Variants in KLC1 observed in about 807,000 individuals in gnomAD.
KLC1 encodes kinesin light chain 1.
Under a neutral mutation model 84.2 loss-of-function variants are expected in KLC1, and 30 were observed. The ratio of observed to expected loss-of-function variants is 0.36; its 90% CI spans 0.27 to 0.48. The LOEUF is 0.48. KLC1 is among the 20% of genes least tolerant of loss of function. KLC1 has a pLI of 0.99. For missense variants in KLC1, 499 were observed against 805.4 expected (o/e 0.62, Z 4.60); for synonymous variants, 289 against 293.3 (o/e 0.99, Z 0.15).
intron 3 of KLC1, among the ~76,000 whole-genome samples, chr14:103,659,879 T>C (rs2079137885): frequency 6.6e-6 from 1 of 152,158 alleles, no homozygotes; most frequent in Non-Finnish European, 1.5e-5. Context: ...GAGGGCCTTC[T>C]TTCTGGCTTG....
At position 103,694,937 on chromosome 14, in the gene KLC1, TGTA is replaced by T; in HGVS notation, c.1848+2515_1848+2517del. ...GTTTGTTTCCACAAGACAAGCTCCG[TGTA>T]GTCGCCAGCGGGTGCCTGGCCCAGG... is the stretch of plus-strand genomic sequence containing the variant. On this transcript the variant is annotated intron_variant, in intron 15 of 16. Transcript: ENST00000334553. The surrounding 1 kb of genome is among the most constrained non-coding windows in gnomAD (Gnocchi z 4.5). The T allele has an allele frequency of 5.1e-6, 5 of 985,456 alleles. No individual in the cohort carries two copies. The highest frequency in any genetic ancestry group is 6.0e-6 in the Non-Finnish European group (5 of 829,938). 61.0% of individuals were successfully genotyped at this position (985,456 alleles called of 1,614,324 possible).
At chr14:103,654,882 T>G (rs982013576) in intron 2 of KLC1, 57 bp downstream of exon 2, 16 of 1,541,874 alleles carry the variant, frequency 1.0e-5, no homozygotes, top group East Asian at 2.2e-5. Flanking sequence ...AAATGGAGAC[T>G]TGTTTGAAAT....
chr14:103,678,199 G>T (rs2081073243), intron 12 of KLC1, among the ~76,000 whole-genome samples: 1 of 152,180 alleles, frequency 6.6e-6, no homozygotes, highest in African/African-American at 2.4e-5. Context: ...GGAGGCAGAG[G>T]TTGCAGTGAG....
At chr14:103,635,803 T>C (rs1233087930) in intron 1 of KLC1, among the ~76,000 whole-genome samples, 1 of 151,724 alleles carries the variant, frequency 6.6e-6, no homozygotes, top group East Asian at 1.9e-4. Context: ...GATTCTACTG[T>C]TGAGGAATTT....
chr14:103,644,352 C>T (rs551833209), intron 1 of KLC1, among the ~76,000 whole-genome samples: 7 of 151,500 alleles, frequency 4.6e-5, no homozygotes, highest in African/African-American at 1.2e-4. Context: ...CTCCGCCTCC[C>T]GAGTTCAAGC....
intron 1 of KLC1, among the ~76,000 whole-genome samples, chr14:103,630,150 G>A (rs1323214377): frequency 6.6e-6 from 1 of 152,218 alleles, no homozygotes; most frequent in African/African-American, 2.4e-5. Flanking sequence ...TGTTCACCTA[G>A]GCTGGCGTTG....
chr14:103,656,016 C>T (rs148602707), intron 2 of KLC1, among the ~76,000 whole-genome samples: 21 of 152,334 alleles, frequency 1.4e-4, no homozygotes, highest in African/African-American at 4.6e-4. Context: ...ACACAGTCAT[C>T]GGGGATACTC....
intron 9 of KLC1, 47 bp downstream of exon 9, chr14:103,673,478 TTGAC>T: frequency 8.2e-7 from 1 of 1,217,276 alleles, no homozygotes; most frequent in Non-Finnish European, 1.2e-6. Context: ...GTATAATGAC[TTGAC>T]TAATAGTAAT....
In KLC1 at chr14:103,654,621, T is replaced by C. The variant is rs751465019; in HGVS notation, c.57T>C (p.Leu19=). 1.2e-6 allele frequency: 2 copies of C among 1,614,084 alleles called. No homozygotes were observed. Among genetic ancestry groups the C allele is most frequent in the Non-Finnish European group, 1.7e-6 (2 of 1,179,934 alleles). ...TAAAGGAAGACAAGTTGGAGAAGCTTACACAGGATGAAATTATTTCTAAGA... is the reference window on the plus strand; with the variant it reads ...TAAAGGAAGACAAGTTGGAGAAGCTCACACAGGATGAAATTATTTCTAAGA... The part of the protein sequence containing the change: ...VYIKEDKLEK[L]TQDEIISKTK... The change falls in exon 2 of 17, where the codon CTT becomes CTC. Residue 19 remains leucine (L), a synonymous_variant. Coordinates refer to ENST00000334553, the MANE Select transcript of KLC1 (RefSeq NM_001394837.1).
intron 14 of KLC1, among the ~76,000 whole-genome samples, chr14:103,688,880 A>G (rs2081938705): frequency 6.6e-6 from 1 of 152,248 alleles, no homozygotes; most frequent in African/African-American, 2.4e-5. Flanking sequence ...CAATGAAACA[A>G]ATGAACTCTT....
At chr14:103,686,114 G>A (rs1430580823) in intron 13 of KLC1, 3 of 992,114 alleles carry the variant, frequency 3.0e-6, no homozygotes, top group African/African-American at 3.5e-5. Context: ...AGCATTTGCT[G>A]TGTAGTCTGT....
intron 9 of KLC1, among the ~76,000 whole-genome samples, 181 bp from the exon 10 acceptor site, chr14:103,675,371 G>A (rs551909336): frequency 6.6e-6 from 1 of 152,132 alleles, no homozygotes; most frequent in Non-Finnish European, 1.5e-5. Flanking sequence ...AGTTTACTTA[G>A]CAGGCTCTGT....
At chr14:103,699,340 G>A (rs1203684256) in intron 15 of KLC1, 6 of 1,579,676 alleles carry the variant, frequency 3.8e-6, no homozygotes, top group Non-Finnish European at 5.2e-6. Context: ...GAGCTCAGGG[G>A]TGCAACCCTG....
At chr14:103,684,961 C>T (rs752226358) in intron 13 of KLC1, 3 of 869,022 alleles carry the variant, frequency 3.5e-6, no homozygotes, top group Non-Finnish European at 3.8e-6. Flanking sequence ...GTGTTGGTAA[C>T]AAGTGTTATT....
intron 1 of KLC1, among the ~76,000 whole-genome samples, chr14:103,636,910 T>G (rs1489859965): frequency 6.6e-6 from 1 of 151,566 alleles, no homozygotes; most frequent in East Asian, 2.0e-4. Context: ...TGTTGTATTT[T>G]TATTAGATAT....
chr14:103,651,012 T>C (rs2078391371), intron 1 of KLC1, among the ~76,000 whole-genome samples: 1 of 151,724 alleles, frequency 6.6e-6, no homozygotes, highest in African/African-American at 2.4e-5. Context: ...TTATACCTTA[T>C]TTATTTATTT....
chr14:103,699,006 T>C (rs775425367), intron 15 of KLC1: 1 of 1,589,500 alleles, frequency 6.3e-7, no homozygotes, highest in South Asian at 1.1e-5. Context: ...GGAAACACGT[T>C]CGTCCCAGAA....
intron 15 of KLC1, chr14:103,698,906 TGGGCAGCCGA>T (rs773583753): frequency 6.2e-6 from 10 of 1,601,768 alleles, no homozygotes; most frequent in Admixed American, 1.7e-5. Flanking sequence ...GGGTCCGGGC[TGGGCAGCCGA>T]GGGCAGCCTC....
intron 1 of KLC1, among the ~76,000 whole-genome samples, chr14:103,639,782 G>A (rs1185586034): frequency 6.6e-6 from 1 of 151,068 alleles, no homozygotes; most frequent in Non-Finnish European, 1.5e-5. Context: ...TTTTGAGACA[G>A]GGTCTCAACT....
Sources: allele counts gnomAD v4.1 joint callset (sites outside exome capture counted in the v4.1 genomes callset), GRCh38; gene constraint gnomAD v4.1.1; non-coding constraint Gnocchi (gnomAD v3.1); transcripts MANE v1.5; gene names NCBI Gene and HGNC (gene_info 2026-07-23, HGNC 2026-07-21).